The following JAK2 variants were observed in gnomAD, a reference collection of about 807,000 sequenced individuals.
JAK2 encodes Janus kinase 2.
Under a neutral mutation model 139.3 loss-of-function variants are expected in JAK2, and 86 were observed. That is an observed-to-expected ratio of 0.62 (90% CI 0.52 to 0.74). JAK2 has a LOEUF of 0.74. Among genes scored for constraint, JAK2 ranks in the 30% least tolerant of loss-of-function variants. The pLI is 0.00. For missense variants in JAK2, 1,421 were observed against 1,360.3 expected, an observed-to-expected ratio of 1.04 and a Z score of -0.70; for synonymous variants, 490 against 437.7, an observed-to-expected ratio of 1.12 and a Z score of -1.49.
chr9:5,085,232 G>C (rs1819993111), intron 19 of JAK2: 1 of 670,574 alleles, frequency 1.5e-6, no homozygotes, highest in Non-Finnish European at 2.9e-6. Context: ...CAGGCAAATA[G>C]GACAGGACCA....
intron 19 of JAK2, among the ~76,000 whole-genome samples, chr9:5,083,849 T>A (rs2130632030): frequency 6.6e-6 from 1 of 152,278 alleles, no homozygotes; most frequent in Admixed American, 6.5e-5. Flanking sequence ...ACAATGAAGA[T>A]ACGTTCCATT....
chr9:5,073,798 A>G lies in JAK2; in HGVS notation c.1864+13A>G, dbSNP rs1819131884. ...TGTGGAGACGAGAGTAAGTAAAACTACAGGCTTTCTAATGCCTTTCTCAGA... is the reference window on the plus strand; with the variant it reads ...TGTGGAGACGAGAGTAAGTAAAACTGCAGGCTTTCTAATGCCTTTCTCAGA... On this transcript the variant is annotated intron_variant, in intron 14 of 24. Transcript: ENST00000381652. 2.0e-6 allele frequency: 3 copies of G among 1,536,686 alleles called. No homozygotes were observed. Among genetic ancestry groups the G allele is most frequent in the Non-Finnish European group, 2.7e-6 (3 of 1,113,726 alleles).
At chr9:5,069,746 G>A (rs188573031) in intron 11 of JAK2, among the ~76,000 whole-genome samples, 179 bp from the exon 12 acceptor site, 261 of 152,090 alleles carry the variant, frequency 1.7e-3, no homozygotes, top group Non-Finnish European at 2.7e-3. Flanking sequence ...AAGTAACTAA[G>A]AAGAAATATC....
chr9:5,049,649 C>A (rs1289983793), intron 5 of JAK2, among the ~76,000 whole-genome samples: 1 of 152,174 alleles, frequency 6.6e-6, no homozygotes, highest in African/African-American at 2.4e-5. Flanking sequence ...AAATTTTGGT[C>A]CCCTTGATGA....
intron 16 of JAK2, among the ~76,000 whole-genome samples, chr9:5,079,503 T>G (rs1326257764): frequency 6.6e-6 from 1 of 152,106 alleles, no homozygotes; most frequent in African/African-American, 2.4e-5. Context: ...CTTGGGTTTT[T>G]TTTTTTATCT....
chr9:4,987,933 G>A (rs1241667717), intron 2 of JAK2, among the ~76,000 whole-genome samples: 1 of 152,128 alleles, frequency 6.6e-6, no homozygotes, highest in Non-Finnish European at 1.5e-5. Context: ...ACTGCATAAG[G>A]TGATCTGCCT....
intron 2 of JAK2, among the ~76,000 whole-genome samples, chr9:4,986,436 G>T (rs1364733496): frequency 6.6e-6 from 1 of 152,180 alleles, no homozygotes; most frequent in East Asian, 1.9e-4. Context: ...GGTTTTATCT[G>T]CCTAAGCTTG....
intron 2 of JAK2, among the ~76,000 whole-genome samples, chr9:4,987,513 A>T (rs1820013979): frequency 6.6e-6 from 1 of 152,116 alleles, no homozygotes; most frequent in Non-Finnish European, 1.5e-5. Flanking sequence ...AGGAAGGAGG[A>T]TCACTTGAGG....
intron 22 of JAK2, chr9:5,109,844 A>C (rs1822292440): frequency 6.6e-6 from 1 of 152,200 alleles, no homozygotes; most frequent in Non-Finnish European, 1.5e-5. Context: ...TCCTCATCAC[A>C]GTATTCTTCC....
intron 2 of JAK2, 95 bp from the exon 3 acceptor site, chr9:5,021,868 A>G (rs1158987988): frequency 1.5e-6 from 1 of 657,438 alleles, no homozygotes; most frequent in Non-Finnish European, 2.6e-6. Context: ...TCTGGGCTCA[A>G]GCTATCTGCC....
intron 2 of JAK2, among the ~76,000 whole-genome samples, chr9:5,009,317 G>A (rs1018892890): frequency 6.6e-6 from 1 of 152,128 alleles, no homozygotes; most frequent in Non-Finnish European, 1.5e-5. Flanking sequence ...GAATAAAGCC[G>A]TGAAGAATAT....
intron 4 of JAK2, among the ~76,000 whole-genome samples, chr9:5,036,140 A>G (rs1823582845): frequency 6.6e-6 from 1 of 152,206 alleles, no homozygotes; most frequent in African/African-American, 2.4e-5. Flanking sequence ...AATTGCTTCA[A>G]AGAGAATACC....
At chr9:5,119,847 T>C (rs1398673798) in intron 22 of JAK2, among the ~76,000 whole-genome samples, 1 of 152,200 alleles carries the variant, frequency 6.6e-6, no homozygotes, top group African/African-American at 2.4e-5. Context: ...AGTTAGCATA[T>C]AGTTTTATTT....
chr9:4,990,104 C>T (rs995125792), intron 2 of JAK2, among the ~76,000 whole-genome samples: 95 of 152,224 alleles, frequency 6.2e-4, no homozygotes, highest in African/African-American at 2.2e-3. Flanking sequence ...GCAGAGATGT[C>T]ACAAGACATT....
chr9:5,084,133 T>C (rs1819910226), intron 19 of JAK2, among the ~76,000 whole-genome samples: 1 of 152,156 alleles, frequency 6.6e-6, no homozygotes, highest in African/African-American at 2.4e-5. Context: ...TTGAAGAGAC[T>C]CTAAGGAAGG....
intron 4 of JAK2, among the ~76,000 whole-genome samples, chr9:5,031,604 G>A (rs1202776947): frequency 2.6e-5 from 4 of 152,144 alleles, no homozygotes; most frequent in African/African-American, 9.6e-5. Context: ...AAATAGAAAT[G>A]TAAAGAAAAT....
intron 22 of JAK2, chr9:5,101,133 G>A (rs1454382258): frequency 1.3e-5 from 2 of 152,260 alleles, no homozygotes; most frequent in Non-Finnish European, 2.9e-5. Flanking sequence ...CCAGCCAAGG[G>A]AAGCCATGAC....
intron 19 of JAK2, chr9:5,085,047 T>C (rs1819971775): frequency 1.3e-6 from 1 of 766,514 alleles, no homozygotes; most frequent in Non-Finnish European, 2.2e-6. Flanking sequence ...GGCGTCTCTT[T>C]CTGGGGATGA....
intron 2 of JAK2, among the ~76,000 whole-genome samples, chr9:4,998,805 T>A (rs1369337238): frequency 6.6e-6 from 1 of 151,964 alleles, no homozygotes; most frequent in Non-Finnish European, 1.5e-5. Context: ...TAATTTATAT[T>A]TTCTTCTCTT....
Sources: gnomAD v4.1 joint callset for allele counts (sites outside exome capture counted in the v4.1 genomes callset) on GRCh38, gnomAD v4.1.1 for gene constraint, MANE v1.5 for transcripts, NCBI Gene and HGNC (gene_info 2026-07-23, HGNC 2026-07-21) for gene names.